The following PKD1L3 variants were observed in gnomAD, a reference collection of about 807,000 sequenced individuals.
The protein encoded by PKD1L3 is polycystin 1 like 3, transient receptor potential channel interacting.
Under a neutral mutation model 184.1 loss-of-function variants are expected in PKD1L3, and 239 were observed. The ratio of observed to expected loss-of-function variants is 1.30; its 90% confidence interval spans 1.17 to 1.45. The LOEUF (loss-of-function observed/expected upper bound fraction) is 1.45, where lower values mean the gene tolerates loss of function less well. PKD1L3 is among the 40% of genes most tolerant of loss of function. PKD1L3 has a pLI of 0.00. For synonymous variants in PKD1L3, 996 were observed against 778.8 expected (o/e 1.28, Z -4.64); for missense variants, 2,660 against 2,067.2 (o/e 1.29, Z -5.56).
chr16:71,969,769 C>G (rs1172198784), intron 13 of PKD1L3, 106 bp downstream of exon 13: 1 of 986,792 alleles, frequency 1.0e-6, no homozygotes, highest in Non-Finnish European at 1.5e-6. Context: ...TTCTATGCCT[C>G]CCAGTACCAG....
chr16:71,983,097 T>C (rs1036550030), intron 6 of PKD1L3, among the ~76,000 whole-genome samples: 4 of 152,140 alleles, frequency 2.6e-5, no homozygotes, highest in African/African-American at 7.2e-5. Context: ...AAATATCCAA[T>C]TAATACCATC....
At chr16:71,999,524 G>A (rs145971298) in intron 1 of PKD1L3, among the ~76,000 whole-genome samples, 160 bp downstream of exon 1, 5 of 152,218 alleles carry the variant, frequency 3.3e-5, no homozygotes, top group South Asian at 2.1e-4. Flanking sequence ...AAAGGCTGTC[G>A]CACAAAATGG....
At chr16:71,946,347 T>A (rs149291083) in intron 22 of PKD1L3, among the ~76,000 whole-genome samples, 8 of 152,346 alleles carry the variant, frequency 5.3e-5, no homozygotes, top group African/African-American at 1.9e-4. Context: ...AGTCCTTTCC[T>A]GAATTCTGGA....
At chr16:71,953,502 C>G (rs930365789) in intron 17 of PKD1L3, among the ~76,000 whole-genome samples, 2 of 152,174 alleles carry the variant, frequency 1.3e-5, no homozygotes, top group Admixed American at 1.3e-4. Flanking sequence ...TTACAAAGCA[C>G]TACAAAGCAC....
intron 3 of PKD1L3, 132 bp downstream of exon 3, chr16:71,993,084 C>G: frequency 1.7e-6 from 1 of 597,006 alleles, no homozygotes; most frequent in South Asian, 3.2e-5. Flanking sequence ...ATATTAAGAT[C>G]AGACAGAATA....
chr16:71,984,300 G>C (rs755667133), intron 5 of PKD1L3, 133 bp from the exon 6 acceptor site: 4 of 818,492 alleles, frequency 4.9e-6, no homozygotes, highest in Admixed American at 2.9e-5. Context: ...CTCTAAAACA[G>C]TGATTACTTT....
Position 71,999,767 on chromosome 16 carries a change from C to A in PKD1L3, c.212G>T (p.Arg71Leu), listed in dbSNP as rs543246606. The change falls in exon 1 of 30, where the codon CGG becomes CTG. Residue 71 changes from arginine (R) to leucine (L), a missense_variant. By Grantham distance (102) the Arg-to-Leu change is moderately radical. Coordinates refer to ENST00000620267, the MANE Select transcript of PKD1L3 (RefSeq NM_181536.2). ...IWNKEVQDLIRDYLEEGKKWW... is the reference protein window; with the variant it reads ...IWNKEVQDLILDYLEEGKKWW... ...CTTCTTTCCTTCTTCCAGATAGTCC[C>A]GGATGAGATCTTGAACTTCCTTGTT... The A allele has an allele frequency of 4.9e-5, 76 of 1,551,736 alleles. No individual in the cohort carries two copies. The South Asian group carries it at 6.5e-4, about 13-fold the overall frequency.
chr16:71,950,041 T>G, intron 20 of PKD1L3, 24 bp from the exon 21 acceptor site: 1 of 1,550,600 alleles, frequency 6.4e-7, no homozygotes, highest in Non-Finnish European at 8.7e-7. Context: ...GTTGAGGGAA[T>G]AATCTTGTAT....
chr16:71,970,733 G>C (rs571197653), intron 12 of PKD1L3, among the ~76,000 whole-genome samples: 1 of 152,152 alleles, frequency 6.6e-6, no homozygotes, highest in Non-Finnish European at 1.5e-5. Context: ...GCTTGAACCT[G>C]AGAGACAGAG....
chr16:71,934,240 T>C, intron 26 of PKD1L3, 115 bp from the exon 27 acceptor site: 1 of 943,458 alleles, frequency 1.1e-6, no homozygotes, highest in South Asian at 1.6e-5. Flanking sequence ...GTCAAATGCT[T>C]GTTGATGTGA....
At position 71,967,901 on chromosome 16, in the gene PKD1L3, T is replaced by C. The variant is rs1009596036; in HGVS notation, c.2286+5A>G. On this transcript the variant is annotated splice_donor_5th_base_variant and intron_variant, in intron 14 of 29. Transcript: ENST00000620267. Reference sequence around the variant, plus strand: ...GGCAATGTGAAAAACATTTATTTCATTAACCTTAGCTGTTGTAGCAGCGCT... The same window carrying C: ...GGCAATGTGAAAAACATTTATTTCACTAACCTTAGCTGTTGTAGCAGCGCT... 1 of 1,545,748 alleles carries C rather than the reference T, an allele frequency of 6.5e-7. No individual in the cohort carries two copies. The highest frequency in any genetic ancestry group is 1.4e-5 in the African/African-American group (1 of 72,854).
intron 24 of PKD1L3, among the ~76,000 whole-genome samples, chr16:71,938,130 G>A (rs944044644): frequency 1.6e-4 from 25 of 152,028 alleles, no homozygotes; most frequent in Non-Finnish European, 2.6e-4. Flanking sequence ...CCCTGCACTC[G>A]GGGGCTCAGG....
At position 71,942,617 on chromosome 16, in the gene PKD1L3, C is replaced by A; in HGVS notation, c.4267G>T (p.Glu1423Ter). 6.4e-7 allele frequency: 1 copy of A among 1,551,662 alleles called. No homozygotes were observed. Among genetic ancestry groups the A allele is most frequent in the African/African-American group, 1.4e-5 (1 of 73,148 alleles). The change falls in exon 24 of 30, where the codon GAG becomes TAG. Residue 1423 changes from glutamate (E) to a stop codon, truncating the protein, a stop_gained. Coordinates refer to ENST00000620267, the MANE Select transcript of PKD1L3 (RefSeq NM_181536.2). LOFTEE classifies it high-confidence loss of function. The stretch of plus-strand genomic sequence containing the variant: ...TTGCTTGTCAGCCTTTCGTGAAGCT[C>A]ATCAGTGGGAATCAGCACCATGGGC... ...PRPMVLIPTD[E>*]LHERLTSKNE... is the part of the protein sequence containing the mutation.
rs1474042149 is a variant in PKD1L3 at position 71,981,925 on chromosome 16, C to G, written c.1143+134G>C. 2.2e-5 allele frequency: 22 copies of G among 990,086 alleles called. No individual in the cohort carries two copies. In the Admixed American group the frequency reaches 4.9e-4, roughly 22 times the overall value. The allele number at this position is 990,086 out of a possible 1,614,324, so 61.3% of individuals were successfully genotyped here. A position where few individuals can be genotyped will look rare whatever the true frequency, so the allele number is the denominator to read the frequency against. On this transcript the variant is annotated intron_variant, in intron 7 of 29. Transcript: ENST00000620267. The stretch of plus-strand genomic sequence containing the variant: ...GAGGGAGACCTTGGAGAAGGCATGG[C>G]AGAGGAGTTTCTTCTGCAGCAGAAA...
chr16:71,996,594 C>A (rs927974171), intron 2 of PKD1L3, among the ~76,000 whole-genome samples: 1 of 152,064 alleles, frequency 6.6e-6, no homozygotes, highest in Non-Finnish European at 1.5e-5. Context: ...CTACTTCCTT[C>A]CTGCCCCCAT....
intron 27 of PKD1L3, 122 bp from the exon 28 acceptor site, chr16:71,933,643 C>T (rs2038069972): frequency 1.3e-6 from 1 of 783,102 alleles, no homozygotes; most frequent in South Asian, 1.6e-5. Context: ...CCAAATTATG[C>T]CCAAAGAATA....
intron 15 of PKD1L3, among the ~76,000 whole-genome samples, chr16:71,966,663 C>T (rs572315190): frequency 4.1e-4 from 62 of 152,200 alleles, no homozygotes; most frequent in Non-Finnish European, 8.4e-4. Context: ...AACTCCTGGC[C>T]TCAAGTGATC....
At position 71,990,271 on chromosome 16, in the gene PKD1L3, A is replaced by C. The variant is rs1597374962; in HGVS notation, c.585+9T>G. ...TTTCACAATGTATGTTGTCAAGGGAAGCACTTACAAGATGAGCAGGAAGAG... is the reference window on the plus strand; with the variant it reads ...TTTCACAATGTATGTTGTCAAGGGACGCACTTACAAGATGAGCAGGAAGAG... On this transcript the variant is annotated intron_variant, in intron 4 of 29. Coordinates refer to ENST00000620267, the MANE Select transcript of PKD1L3 (RefSeq NM_181536.2). The C allele has an allele frequency of 6.5e-7, 1 of 1,538,898 alleles. No homozygotes were observed.
Position 71,969,471 on chromosome 16 carries a change from CT to C in PKD1L3, c.2184+403del, listed in dbSNP as rs71391427. Reference sequence around the variant, plus strand: ...CAAGCATGCACCACCATGCCAGGCTCTTTTTTTTTTTTTTTTTTTTAGTAGA... The same window carrying C: ...CAAGCATGCACCACCATGCCAGGCTCTTTTTTTTTTTTTTTTTTTAGTAGA... On this transcript the variant is annotated intron_variant, in intron 13 of 29. Coordinates refer to ENST00000620267, the MANE Select transcript of PKD1L3 (RefSeq NM_181536.2). Among the ~76,000 whole-genome samples, 102 of 117,360 alleles carry C rather than the reference CT, an allele frequency of 8.7e-4. 1 individual carries two copies. Among genetic ancestry groups the C allele is most frequent in the Admixed American group, 1.2e-3 (13 of 10,900 alleles). The allele number at this position is 117,360 out of a possible 152,430, so 77.0% of individuals were successfully genotyped here.
Sources: allele counts gnomAD v4.1 joint callset (sites outside exome capture counted in the v4.1 genomes callset), GRCh38; gene constraint gnomAD v4.1.1; transcripts MANE v1.5; gene names NCBI Gene and HGNC (gene_info 2026-07-23, HGNC 2026-07-21).